Variants in COL25A1 observed in about 807,000 individuals in gnomAD.
COL25A1 encodes the protein collagen alpha-1(XXV) chain.
COL25A1 carries 103 observed loss-of-function variants against 128.4 expected under a neutral mutation model. The observed-to-expected ratio is 0.80, with a 90% CI of 0.68 to 0.94. The LOEUF (loss-of-function observed/expected upper bound fraction) is 0.94, where lower values mean the gene tolerates loss of function less well. COL25A1 is among the 40% of genes least tolerant of loss of function. The pLI is 0.00. For missense variants in COL25A1, 745 were observed against 840.0 expected, an observed-to-expected ratio of 0.89 and a Z score of 1.40; for synonymous variants, 279 against 277.2, an observed-to-expected ratio of 1.01 and a Z score of -0.06.
chr4:108,924,064 C>T (rs1483773009), intron 11 of COL25A1, among the ~76,000 whole-genome samples: 1 of 152,112 alleles, frequency 6.6e-6, no homozygotes, highest in African/African-American at 2.4e-5. Context: ...ACTCCAGAAA[C>T]ATCAACTATA....
At chr4:108,880,868 T>C (rs1198430441) in intron 19 of COL25A1, among the ~76,000 whole-genome samples, 27 of 152,122 alleles carry the variant, frequency 1.8e-4, no homozygotes, top group Admixed American at 1.8e-3. Flanking sequence ...CCTAAGAAAA[T>C]AGGAACTTAG....
At chr4:108,884,153 C>T in intron 19 of COL25A1, 25 bp downstream of exon 19, 1 of 1,612,006 alleles carries the variant, frequency 6.2e-7, no homozygotes, top group Non-Finnish European at 8.5e-7. Flanking sequence ...TTCTGTGAAG[C>T]CGAGACTGTC....
At chr4:108,965,198 T>C (rs910829143) in intron 8 of COL25A1, among the ~76,000 whole-genome samples, 18 of 152,220 alleles carry the variant, frequency 1.2e-4, no homozygotes, top group African/African-American at 4.1e-4. Context: ...CCAGCTGTTA[T>C]GAAAATTTAC....
intron 16 of COL25A1, among the ~76,000 whole-genome samples, chr4:108,891,595 A>C (rs1578676625): frequency 6.6e-6 from 1 of 152,082 alleles, no homozygotes; most frequent in African/African-American, 2.4e-5. Flanking sequence ...ACCTCACAAA[A>C]CTCTCATGAA....
chr4:109,162,214 A>G (rs1772644214), intron 3 of COL25A1, among the ~76,000 whole-genome samples: 1 of 152,198 alleles, frequency 6.6e-6, no homozygotes, highest in Non-Finnish European at 1.5e-5. Flanking sequence ...TTTTTAAGGA[A>G]GAAGAGGAGA....
intron 3 of COL25A1, among the ~76,000 whole-genome samples, chr4:109,065,250 C>G (rs1176733925): frequency 6.6e-6 from 1 of 152,184 alleles, no homozygotes; most frequent in Admixed American, 6.5e-5. Context: ...GTTGTTTGAT[C>G]TGGCTACACA....
intron 3 of COL25A1, among the ~76,000 whole-genome samples, chr4:109,102,442 G>A (rs1219548892): frequency 2.6e-5 from 4 of 152,066 alleles, no homozygotes; most frequent in Non-Finnish European, 5.9e-5. Flanking sequence ...GCTGTTGAAT[G>A]TTCCATGTGC....
chr4:109,239,227 T>C (rs1479161884), intron 3 of COL25A1, among the ~76,000 whole-genome samples: 1 of 151,378 alleles, frequency 6.6e-6, no homozygotes. Context: ...TAAACAAACC[T>C]AGATGGTATA....
At position 109,301,740 on chromosome 4, in the gene COL25A1, C is replaced by A; in HGVS notation, c.280G>T (p.Glu94Ter). 1 of 1,613,112 alleles carries A rather than the reference C, an allele frequency of 6.2e-7. No homozygotes were observed. Among genetic ancestry groups the A allele is most frequent in the East Asian group, 2.2e-5 (1 of 44,868 alleles). Residue 94 changes from glutamate (E) to a stop codon, truncating the protein, a stop_gained, in exon 2 of 38, where the codon GAG becomes TAG. Coordinates refer to ENST00000399132, the MANE Select transcript of COL25A1 (RefSeq NM_198721.4). LOFTEE classifies it high-confidence loss of function. ...TCTCACACCTGAGCCAGAAGTCGCTCCACTTTCTCTTGCACCATAGTCTTG... is the reference window on the plus strand; with the variant it reads ...TCTCACACCTGAGCCAGAAGTCGCTACACTTTCTCTTGCACCATAGTCTTG... The part of the protein sequence containing the change: ...HLKTMVQEKV[E>*]RLLAQKSYEH...
At chr4:109,060,751 G>A (rs1323693652) in intron 3 of COL25A1, among the ~76,000 whole-genome samples, 1 of 150,486 alleles carries the variant, frequency 6.6e-6, no homozygotes, top group Non-Finnish European at 1.5e-5. Flanking sequence ...TTCAGAATTT[G>A]GGCTGTCATG....
chr4:109,216,301 G>A (rs1225555248), intron 3 of COL25A1, among the ~76,000 whole-genome samples: 1 of 149,976 alleles, frequency 6.7e-6, no homozygotes, highest in Non-Finnish European at 1.5e-5. Context: ...AAGGAAGGAC[G>A]GAAGGAAGGA....
At chr4:109,059,651 G>A (rs536707827) in intron 3 of COL25A1, among the ~76,000 whole-genome samples, 24 of 152,266 alleles carry the variant, frequency 1.6e-4, no homozygotes, top group Non-Finnish European at 2.6e-4. Context: ...CTCATGGCTC[G>A]TCTAAGGGGA....
intron 19 of COL25A1, among the ~76,000 whole-genome samples, chr4:108,875,182 A>G (rs896347958): frequency 1.3e-5 from 2 of 152,204 alleles, no homozygotes; most frequent in African/African-American, 4.8e-5. Flanking sequence ...CACCAAAAGC[A>G]ATGGCAACAA....
Position 109,197,443 on chromosome 4 carries a change from A to AAATATATAT in COL25A1, c.367+103139_367+103140insATATATATT, listed in dbSNP as rs1776171762. Among the ~76,000 whole-genome samples, 2 of 117,996 alleles carry AAATATATAT rather than the reference A, an allele frequency of 1.7e-5. 1 individual carries two copies. The highest frequency in any genetic ancestry group is 2.2e-4 in the Admixed American group (2 of 9,214). The allele number at this position is 117,996 out of a possible 152,430, so 77.4% of individuals were successfully genotyped here. A position where few individuals can be genotyped will look rare whatever the true frequency, so the allele number is the denominator to read the frequency against. Reference sequence around the variant, plus strand: ...ATATTATATATAAATATTATATATTATATATATTATATATAAATATTATAT... The same window carrying AAATATATAT: ...ATATTATATATAAATATTATATATTAAATATATATTATATATTATATATAAATATTATAT... On this transcript the variant is annotated intron_variant, in intron 3 of 37. Transcript: ENST00000399132.
chr4:109,063,354 T>C lies in COL25A1; in HGVS notation c.368-13175A>G, dbSNP rs1762144541. ...CCCGTCTCTACTAAAAATACAAAAA[T>C]TAGCTGGGCTTGGTAGCACGTGCCT... On this transcript the variant is annotated intron_variant, in intron 3 of 37. Transcript: ENST00000399132. 5.3e-5 allele frequency among the ~76,000 whole-genome samples: 8 copies of C among 151,824 alleles called. No individual in the cohort carries two copies. In the South Asian group the frequency reaches 1.7e-3, roughly 32 times the overall value.
At chr4:109,230,232 A>G (rs1779072029) in intron 3 of COL25A1, among the ~76,000 whole-genome samples, 1 of 152,168 alleles carries the variant, frequency 6.6e-6, no homozygotes, top group Non-Finnish European at 1.5e-5. Context: ...CAAGTAGGTG[A>G]ATTGCAAATA....
intron 3 of COL25A1, among the ~76,000 whole-genome samples, chr4:109,286,443 G>A (rs1723899505): frequency 1.3e-5 from 2 of 152,106 alleles, no homozygotes; most frequent in African/African-American, 2.4e-5. Context: ...ATGCCTCCCG[G>A]TGAGAAGATG....
At chr4:108,964,528 T>C (rs1171059351) in intron 8 of COL25A1, among the ~76,000 whole-genome samples, 1 of 152,128 alleles carries the variant, frequency 6.6e-6, no homozygotes, top group East Asian at 1.9e-4. Context: ...AGTGACATAA[T>C]ATAGGTAGAG....
intron 3 of COL25A1, among the ~76,000 whole-genome samples, chr4:109,176,575 A>G (rs760347338): frequency 6.6e-6 from 1 of 152,214 alleles, no homozygotes; most frequent in Non-Finnish European, 1.5e-5. Flanking sequence ...ATGAGTTAAG[A>G]TAACCTAAGG....
Sources: allele counts gnomAD v4.1 joint callset (sites outside exome capture counted in the v4.1 genomes callset), GRCh38; gene constraint gnomAD v4.1.1; transcripts MANE v1.5; gene names NCBI Gene and HGNC (gene_info 2026-07-23, HGNC 2026-07-21).